The following PPP6R1 variants were observed in gnomAD, a reference collection of about 807,000 sequenced individuals.
PPP6R1 encodes the protein serine/threonine-protein phosphatase 6 regulatory subunit 1.
A neutral mutation model predicts 104.6 loss-of-function variants in PPP6R1; 39 were observed. That is an observed-to-expected ratio of 0.37 (90% CI 0.29 to 0.49). The LOEUF is 0.49. Among genes scored for constraint, PPP6R1 ranks in the 20% least tolerant of loss-of-function variants. The pLI, the probability that PPP6R1 is intolerant of heterozygous loss-of-function variation, is 0.98. For missense variants in PPP6R1, 1,181 were observed against 1,155.8 expected, an observed-to-expected ratio of 1.02 and a Z score of -0.32; for synonymous variants, 549 against 479.0, an observed-to-expected ratio of 1.15 and a Z score of -1.91.
chr19:55,249,288 C>T (rs188436059), intron 1 of PPP6R1, among the ~76,000 whole-genome samples: 2 of 152,290 alleles, frequency 1.3e-5, no homozygotes, highest in Non-Finnish European at 2.9e-5. Flanking sequence ...GTTGCCCAGG[C>T]TGGAATGCAG....
chr19:55,240,123 A>G lies in PPP6R1; in HGVS notation c.1362-9T>C. 2 of 1,572,116 alleles carry G rather than the reference A, an allele frequency of 1.3e-6. No individual in the cohort carries two copies. Among genetic ancestry groups the G allele is most frequent in the Non-Finnish European group, 1.7e-6 (2 of 1,159,358 alleles). On this transcript the variant is annotated splice_polypyrimidine_tract_variant and intron_variant, in intron 11 of 23. Coordinates refer to ENST00000412770, the MANE Select transcript of PPP6R1 (RefSeq NM_014931.4). Reference sequence around the variant, plus strand: ...GAGGGCCTCCCGCACACCTGGCAAGAGTGAAGGCCGCGGCTGCAAGCCAGG... The same window carrying G: ...GAGGGCCTCCCGCACACCTGGCAAGGGTGAAGGCCGCGGCTGCAAGCCAGG...
Position 55,231,419 on chromosome 19 carries a change from G to A in PPP6R1, c.2450C>T (p.Ser817Phe). The part of the protein sequence containing the change: ...TFHGIRSAPS[S>F]SDSATRDPST... Reference sequence around the variant, plus strand: ...CCACCTCGCTGCTCACCTGTCCGAGGAGCTGGGGGCAGAACGGATCCCGTG... The same window carrying A: ...CCACCTCGCTGCTCACCTGTCCGAGAAGCTGGGGGCAGAACGGATCCCGTG... Residue 817 changes from serine (S) to phenylalanine (F), a missense_variant, in exon 21 of 24, where the codon TCC (serine) becomes TTC (phenylalanine). By Grantham distance (155) the Ser-to-Phe change is radical. Around this residue, in one of 2 missense-constraint regions of PPP6R1, gnomAD observed 1,042 missense variants for 955.6 expected, o/e 1.09. Transcript: ENST00000412770. The A allele has an allele frequency of 1.2e-6, 2 of 1,601,074 alleles. No homozygotes were observed. The highest frequency in any genetic ancestry group is 1.7e-6 in the Non-Finnish European group (2 of 1,174,624).
chr19:55,230,746 C>G (rs748608121), intron 22 of PPP6R1, 28 bp downstream of exon 22: 101 of 1,454,990 alleles, frequency 6.9e-5, no homozygotes, highest in Admixed American at 8.7e-5. Context: ...CCACCCCCAC[C>G]CCCCCGCCCT....
intron 17 of PPP6R1, among the ~76,000 whole-genome samples, chr19:55,235,738 T>C (rs1026299526): frequency 2.6e-5 from 4 of 151,898 alleles, no homozygotes; most frequent in African/African-American, 7.3e-5. Context: ...CAGGATGGTC[T>C]TGATCTCCTG....
At chr19:55,234,191 T>C (rs1280805714) in intron 17 of PPP6R1, among the ~76,000 whole-genome samples, 7 of 152,200 alleles carry the variant, frequency 4.6e-5, no homozygotes, top group South Asian at 2.1e-4. Context: ...AGGTGATCCA[T>C]CCACCTTGGC....
chr19:55,238,984 TG>T (rs760737027), intron 15 of PPP6R1: 3 of 185,456 alleles, frequency 1.6e-5, no homozygotes, highest in Non-Finnish European at 3.4e-5. Flanking sequence ...TGGACCCCCA[TG>T]TCTGGCAGAC....
intron 10 of PPP6R1, among the ~76,000 whole-genome samples, chr19:55,240,518 C>CACACACACAT (rs889086917): frequency 2.6e-5 from 3 of 115,312 alleles, no homozygotes; most frequent in African/African-American, 1.8e-4. Flanking sequence ...GGTGCATACA[C>CACACACACAT]ACACACACAC....
In PPP6R1 at chr19:55,241,301, T is replaced by C; in HGVS notation, c.1099A>G (p.Ser367Gly). The change falls in exon 9 of 24, where the codon AGC (serine) becomes GGC (glycine). Residue 367 changes from serine (S) to glycine (G), a missense_variant. By Grantham distance (56) the Ser-to-Gly change is moderately conservative. Around this residue, in one of 2 missense-constraint regions of PPP6R1, gnomAD observed 1,042 missense variants for 955.6 expected, o/e 1.09. Transcript: ENST00000412770. The surrounding 1 kb of genome is among the most constrained non-coding windows in gnomAD (Gnocchi z 5.4). ...TGCGTCAGGGCTGCATCATTGGCGC[T>C]CAGGGCACTGGCCAGGAGCTTGACC... ...HVVKLLASAL[S>G]ANDAALTHEL... is the part of the protein sequence containing the mutation. 6.2e-7 allele frequency: 1 copy of C among 1,611,458 alleles called. No homozygotes were observed. Among genetic ancestry groups the C allele is most frequent in the Non-Finnish European group, 8.5e-7 (1 of 1,179,690 alleles).
intron 17 of PPP6R1, chr19:55,236,278 C>G: frequency 5.1e-6 from 1 of 194,534 alleles, no homozygotes; most frequent in African/African-American, 2.3e-5. Context: ...CCTCAACCTC[C>G]CGAGTAGCCA....
intron 17 of PPP6R1, 29 bp downstream of exon 17, chr19:55,236,614 T>C: frequency 6.7e-7 from 1 of 1,497,348 alleles, no homozygotes. Context: ...GGTGGAAGCT[T>C]GGAGAAGGGA....
intron 5 of PPP6R1, chr19:55,242,730 G>A (rs895572919): frequency 7.3e-5 from 37 of 508,400 alleles, no homozygotes; most frequent in African/African-American, 1.4e-4. Flanking sequence ...CCTCATGACC[G>A]CATACAGGGC....
chr19:55,244,715 C>T (rs2087490927), intron 5 of PPP6R1, among the ~76,000 whole-genome samples: 1 of 152,104 alleles, frequency 6.6e-6, no homozygotes, highest in Non-Finnish European at 1.5e-5. Flanking sequence ...ACCTGGTTCT[C>T]AATGCTCTCT....
At chr19:55,232,445 G>A (rs188090168) in intron 17 of PPP6R1, 246 of 541,810 alleles carry the variant, frequency 4.5e-4, no homozygotes, top group African/African-American at 2.8e-3. Flanking sequence ...TAAGGAGACC[G>A]TCCGTCGCCA....
At position 55,230,891 on chromosome 19, in the gene PPP6R1, G is replaced by T. The variant is rs768482576; in HGVS notation, c.2460-7C>A. Reference sequence around the variant, plus strand: ...AGAGGGGTCTCTGGTTGCACTGTGGGTGAGAGGCAGGTGCGGCTGTCAGCG... The same window carrying T: ...AGAGGGGTCTCTGGTTGCACTGTGGTTGAGAGGCAGGTGCGGCTGTCAGCG... On this transcript the variant is annotated splice_polypyrimidine_tract_variant and splice_region_variant and intron_variant, in intron 21 of 23. Transcript: ENST00000412770. 1 of 1,595,424 alleles carries T rather than the reference G, an allele frequency of 6.3e-7. No individual in the cohort carries two copies. Among genetic ancestry groups the T allele is most frequent in the Non-Finnish European group, 8.5e-7 (1 of 1,170,128 alleles).
At chr19:55,233,160 G>T (rs1364264507) in intron 17 of PPP6R1, 1 of 152,178 alleles carries the variant, frequency 6.6e-6, no homozygotes, top group African/African-American at 2.4e-5. Flanking sequence ...TGCAGTATGG[G>T]ACTATATACT....
At chr19:55,228,691 C>T, downstream of PPP6R1, 1 of 1,612,866 alleles carries the variant, frequency 6.2e-7, no homozygotes. Flanking sequence ...AGGCTCTCAC[C>T]TGGGCTGAGC....
chr19:55,237,158 T>A (rs2087407430), intron 15 of PPP6R1, among the ~76,000 whole-genome samples, 188 bp from the exon 16 acceptor site: 2 of 152,160 alleles, frequency 1.3e-5, no homozygotes, highest in South Asian at 4.1e-4. Context: ...TATCAACATC[T>A]CACATATGAT....
rs1321449406 is a variant in PPP6R1 at position 55,245,732 on chromosome 19, G to T, written c.228-54C>A. 2.9e-6 allele frequency: 4 copies of T among 1,395,788 alleles called. No homozygotes were observed. Among genetic ancestry groups the T allele is most frequent in the South Asian group, 1.2e-5 (1 of 80,574 alleles). The allele number at this position is 1,395,788 out of a possible 1,614,324, so 86.5% of individuals were successfully genotyped here. A position where few individuals can be genotyped will look rare whatever the true frequency, so the allele number is the denominator to read the frequency against. ...CTCGGGTCGGAGGCCGGGGGCAGGG[G>T]GCGGCAAGGCTCCACCCTCTTCTCT... On this transcript the variant is annotated intron_variant, in intron 2 of 23. Coordinates refer to ENST00000412770, the MANE Select transcript of PPP6R1 (RefSeq NM_014931.4). The surrounding 1 kb of genome is among the most constrained non-coding windows in gnomAD (Gnocchi z 6.4).
chr19:55,234,794 G>A (rs1490559638), intron 17 of PPP6R1, among the ~76,000 whole-genome samples: 2 of 152,054 alleles, frequency 1.3e-5, no homozygotes, highest in African/African-American at 4.8e-5. Flanking sequence ...ACACAACAGG[G>A]AAGGAGCTCA....
Sources: gnomAD v4.1 joint callset for allele counts (sites outside exome capture counted in the v4.1 genomes callset) on GRCh38, gnomAD v4.1.1 for gene constraint, gnomAD v4.1.1 regional missense constraint, Gnocchi (gnomAD v3.1) non-coding constraint, MANE v1.5 for transcripts, NCBI Gene and HGNC (gene_info 2026-07-23, HGNC 2026-07-21) for gene names.